Variants in CYTH4 observed in about 807,000 individuals in gnomAD.
The protein encoded by CYTH4 is cytohesin-4.
Under a neutral mutation model 57.5 loss-of-function variants are expected in CYTH4, and 22 were observed. The observed-to-expected ratio is 0.38, with a 90% CI of 0.27 to 0.55. The LOEUF (loss-of-function observed/expected upper bound fraction) is 0.55. Among genes scored for constraint, CYTH4 ranks in the 20% least tolerant of loss-of-function variants. CYTH4 has a pLI of 0.74. For synonymous variants in CYTH4, 186 were observed against 206.5 expected (o/e 0.90, Z 0.85); for missense variants, 420 against 535.6 (o/e 0.78, Z 2.13).
At chr22:37,304,266 G>A (rs1005116716) in intron 8 of CYTH4, 2 of 456,616 alleles carry the variant, frequency 4.4e-6, no homozygotes, top group African/African-American at 2.0e-5. Flanking sequence ...TGGGAAAGGA[G>A]AGGTGTCCAG....
intron 8 of CYTH4, among the ~76,000 whole-genome samples, chr22:37,308,703 AGCATGCATGTGTGT>A (rs1929509972): frequency 7.2e-6 from 1 of 139,098 alleles, no homozygotes; most frequent in Non-Finnish European, 1.6e-5. Flanking sequence ...TGTATGTGTG[AGCATGCATGTGTGT>A]GTGCGTGTAT....
intron 4 of CYTH4, chr22:37,296,331 C>T (rs891063978): frequency 8.2e-6 from 4 of 488,374 alleles, no homozygotes; most frequent in South Asian, 5.2e-5. Context: ...GTCCCTTCCC[C>T]ACTCTGGGCC....
At chr22:37,286,172 G>A (rs1395558158) in intron 1 of CYTH4, among the ~76,000 whole-genome samples, 2 of 152,150 alleles carry the variant, frequency 1.3e-5, no homozygotes, top group African/African-American at 2.4e-5. Flanking sequence ...AACCCCGTCA[G>A]AAACCCAGAT....
chr22:37,307,226 A>T (rs1457220538), intron 8 of CYTH4, among the ~76,000 whole-genome samples: 1 of 152,118 alleles, frequency 6.6e-6, no homozygotes, highest in Non-Finnish European at 1.5e-5. Context: ...ATGTGGGTGA[A>T]CTCAGCCGTT....
chr22:37,297,497 C>T lies in CYTH4; in HGVS notation c.235-67C>T, dbSNP rs540601124. On this transcript the variant is annotated intron_variant, in intron 4 of 12. Transcript: ENST00000248901. ...GGATTCTGGCCATGGAAGCTCCTTC[C>T]TCCCTTCCCCCTCCCAGGCCTGCTT... 3.7e-5 allele frequency: 53 copies of T among 1,414,556 alleles called. No homozygotes were observed. The South Asian group carries it at 6.0e-4, about 16-fold the overall frequency. 87.6% of individuals were successfully genotyped at this position (1,414,556 alleles called of 1,614,324 possible). A position where few individuals can be genotyped will look rare whatever the true frequency, so the allele number is the denominator to read the frequency against.
At chr22:37,307,048 T>C (rs1294412006) in intron 8 of CYTH4, among the ~76,000 whole-genome samples, 1 of 152,022 alleles carries the variant, frequency 6.6e-6, no homozygotes, top group African/African-American at 2.4e-5. Flanking sequence ...AGAGGGAAAC[T>C]GAGGAGGTGG....
intron 12 of CYTH4, 133 bp from the exon 13 acceptor site, chr22:37,313,306 A>G (rs1458557703): frequency 1.2e-6 from 1 of 845,502 alleles, no homozygotes; most frequent in East Asian, 2.5e-5. Flanking sequence ...TGTTGGGGCC[A>G]TCTGGCCTTT....
At chr22:37,294,156 G>A (rs1296631557) in intron 2 of CYTH4, among the ~76,000 whole-genome samples, 1 of 144,466 alleles carries the variant, frequency 6.9e-6, no homozygotes, top group Non-Finnish European at 1.5e-5. Context: ...GGCAGGCAGG[G>A]TGGAGGCGGG....
In CYTH4 at chr22:37,292,716, T is replaced by TCGTGTCCACACACGTGTC. The variant is rs777023994; in HGVS notation, c.102+15_102+32dup. 6.2e-7 allele frequency: 1 copy of TCGTGTCCACACACGTGTC among 1,612,156 alleles called. No individual in the cohort carries two copies. Among genetic ancestry groups the TCGTGTCCACACACGTGTC allele is most frequent in the Non-Finnish European group, 8.5e-7 (1 of 1,179,160 alleles). ...GGAGGACATCCAGGTGAGTGCACAC[T>TCGTGTCCACACACGTGTC]CGTGTCCACACACGTGTCCATGCCC... On this transcript the variant is annotated intron_variant, in intron 2 of 12. Coordinates refer to ENST00000248901, the MANE Select transcript of CYTH4 (RefSeq NM_013385.5).
chr22:37,292,481 G>C (rs1356015426), intron 1 of CYTH4, 140 bp from the exon 2 acceptor site: 3 of 772,762 alleles, frequency 3.9e-6, no homozygotes, highest in African/African-American at 3.4e-5. Flanking sequence ...AGGGCAGTCA[G>C]GGGAGGCTTC....
chr22:37,292,547 G>T (rs1411128338), intron 1 of CYTH4, 74 bp from the exon 2 acceptor site: 22 of 1,472,688 alleles, frequency 1.5e-5, no homozygotes, highest in Non-Finnish European at 2.1e-5. Context: ...GGAGGGAAGG[G>T]GGCCCTGCAG....
intron 2 of CYTH4, among the ~76,000 whole-genome samples, chr22:37,294,297 G>C (rs1362787833): frequency 6.6e-6 from 1 of 150,782 alleles, no homozygotes; most frequent in Non-Finnish European, 1.5e-5. Flanking sequence ...GGGGAGGCCG[G>C]CTTGTCGGGT....
At chr22:37,300,874 A>C in intron 6 of CYTH4, 33 bp from the exon 7 acceptor site, 1 of 1,592,538 alleles carries the variant, frequency 6.3e-7, no homozygotes, top group South Asian at 1.1e-5. Flanking sequence ...GGGCCCACCC[A>C]CTCCACTGCC....
intron 8 of CYTH4, among the ~76,000 whole-genome samples, chr22:37,307,205 G>C (rs1051425099): frequency 2.0e-5 from 3 of 152,228 alleles, no homozygotes; most frequent in Non-Finnish European, 4.4e-5. Flanking sequence ...GGTGTTTACA[G>C]GGGACAGGAA....
chr22:37,306,435 G>A (rs1261520362), intron 8 of CYTH4, among the ~76,000 whole-genome samples: 1 of 152,196 alleles, frequency 6.6e-6, no homozygotes, highest in Non-Finnish European at 1.5e-5. Flanking sequence ...TTACAGCAGA[G>A]GACACTGAGC....
chr22:37,290,439 G>T (rs890783434), intron 1 of CYTH4, among the ~76,000 whole-genome samples: 1 of 152,144 alleles, frequency 6.6e-6, no homozygotes, highest in Non-Finnish European at 1.5e-5. Flanking sequence ...CAGTCCCGAC[G>T]TTCTGTATCT....
rs1260995807 is a variant in CYTH4 at position 37,294,699 on chromosome 22, G to A, written c.142G>A (p.Asp48Asn). 4 of 1,613,842 alleles carry A rather than the reference G, an allele frequency of 2.5e-6. No individual in the cohort carries two copies. The highest frequency in any genetic ancestry group is 2.2e-5 in the East Asian group (1 of 44,866). ...GATTGCAGATGTGTTTGCCCAAATCGACTGCTTCGAGAGTGCGGAGGAGAG... is the reference window on the plus strand; with the variant it reads ...GATTGCAGATGTGTTTGCCCAAATCAACTGCTTCGAGAGTGCGGAGGAGAG... Reference protein sequence around the residue: ...DEIADVFAQIDCFESAEESRM... With the variant: ...DEIADVFAQINCFESAEESRM... Residue 48 changes from aspartate (D) to asparagine (N), a missense_variant, in exon 3 of 13, where the codon GAC becomes AAC. Physicochemically the swap from Asp to Asn is conservative, Grantham distance 23 (BLOSUM62 1). Transcript: ENST00000248901.
In CYTH4 at chr22:37,296,006, G is replaced by C. The variant is rs769340898; in HGVS notation, c.175G>C (p.Ala59Pro). 14 of 1,612,864 alleles carry C rather than the reference G, an allele frequency of 8.7e-6. No homozygotes were observed. ...ACGTCCTCATGTCCACAGCCGGATG[G>C]CCCAGAAGGAGAAGGAGCTGTGTAT... ...CFESAEESRM[A>P]QKEKELCIGR... is the part of the protein sequence containing the mutation. Residue 59 changes from alanine to proline, a missense_variant, in exon 4 of 13, where the codon GCC (alanine) becomes CCC (proline). Coordinates refer to ENST00000248901, the MANE Select transcript of CYTH4 (RefSeq NM_013385.5).
chr22:37,313,653 A>T lies in CYTH4; in HGVS notation c.*142A>T. On this transcript the variant is annotated 3_prime_UTR_variant, in exon 13 of 13. Coordinates refer to ENST00000248901, the MANE Select transcript of CYTH4 (RefSeq NM_013385.5). Reference sequence around the variant, plus strand: ...CCCCGTTACCTCGAGCTGACTCTAGAGGGGAAGGCAGAGCTCAGGAGGGTG... The same window carrying T: ...CCCCGTTACCTCGAGCTGACTCTAGTGGGGAAGGCAGAGCTCAGGAGGGTG... The T allele has an allele frequency of 1.3e-6, 1 of 756,416 alleles. No individual in the cohort carries two copies. Among genetic ancestry groups the T allele is most frequent in the Non-Finnish European group, 2.2e-6 (1 of 454,974 alleles). The allele number at this position is 756,416 out of a possible 1,614,324, so 46.9% of individuals were successfully genotyped here.
Sources: allele counts gnomAD v4.1 joint callset (sites outside exome capture counted in the v4.1 genomes callset), GRCh38; gene constraint gnomAD v4.1.1; transcripts MANE v1.5; gene names NCBI Gene and HGNC (gene_info 2026-07-23, HGNC 2026-07-21).